Variants in PODXL observed in about 807,000 individuals in gnomAD.
The protein encoded by PODXL is podocalyxin.
PODXL carries 20 observed loss-of-function variants against 48.9 expected under a neutral mutation model. The observed-to-expected ratio is 0.41, with a 90% CI of 0.29 to 0.59. The LOEUF (loss-of-function observed/expected upper bound fraction) is 0.59. Ranked by LOEUF, PODXL falls within the 20% of genes least tolerant of loss-of-function variation. PODXL has a pLI of 0.31. For missense variants in PODXL, 606 were observed against 675.1 expected (o/e 0.90, Z 1.13); for synonymous variants, 295 against 287.4 (o/e 1.03, Z -0.27).
At chr7:131,506,233 T>C (rs1797799530) in intron 7 of PODXL, 27 bp downstream of exon 7, 2 of 1,611,824 alleles carry the variant, frequency 1.2e-6, no homozygotes, top group African/African-American at 2.7e-5. Flanking sequence ...GGAGCCACTC[T>C]GTCCCCACAC....
At chr7:131,548,677 C>G (rs1338000646) in intron 1 of PODXL, among the ~76,000 whole-genome samples, 2 of 152,186 alleles carry the variant, frequency 1.3e-5, no homozygotes, top group African/African-American at 4.8e-5. Flanking sequence ...ATCCACTACT[C>G]TTTTTTGTTG....
intron 1 of PODXL, among the ~76,000 whole-genome samples, chr7:131,512,072 G>A (rs886362717): frequency 6.6e-6 from 1 of 152,226 alleles, no homozygotes; most frequent in African/African-American, 2.4e-5. Flanking sequence ...CTGTTCTCAT[G>A]GAAGTTATAT....
At chr7:131,529,930 G>GGCA (rs1798248612) in intron 1 of PODXL, among the ~76,000 whole-genome samples, 2 of 32,206 alleles carry the variant, frequency 6.2e-5, no homozygotes, top group Non-Finnish European at 4.1e-4. Context: ...GCTTGCGCTG[G>GGCA]GCCTCCCTAG....
chr7:131,505,815 T>G (rs1215647305), intron 8 of PODXL, 53 bp downstream of exon 8: 2 of 1,487,838 alleles, frequency 1.3e-6, no homozygotes, highest in Non-Finnish European at 1.8e-6. Context: ...GAGGGGAGGG[T>G]TCCTCTGGTG....
intron 1 of PODXL, among the ~76,000 whole-genome samples, chr7:131,555,676 A>G (rs1798730772): frequency 6.6e-6 from 1 of 152,218 alleles, no homozygotes; most frequent in African/African-American, 2.4e-5. Flanking sequence ...TGGAAGGTCC[A>G]CTTACGACTC....
chr7:131,553,269 A>C (rs910085201), intron 1 of PODXL, among the ~76,000 whole-genome samples: 2 of 152,172 alleles, frequency 1.3e-5, no homozygotes, highest in Non-Finnish European at 2.9e-5. Flanking sequence ...CCCTATGTGA[A>C]AACCCCACCT....
intron 1 of PODXL, among the ~76,000 whole-genome samples, chr7:131,546,898 C>A (rs372930991): frequency 2.0e-5 from 3 of 152,144 alleles, no homozygotes; most frequent in Non-Finnish European, 4.4e-5. Context: ...TCTAAAACTG[C>A]GGTCTCCAAC....
chr7:131,523,690 A>AT, intron 1 of PODXL, among the ~76,000 whole-genome samples: 1 of 147,234 alleles, frequency 6.8e-6, no homozygotes, highest in Admixed American at 6.7e-5. Flanking sequence ...AAAAAAAAAA[A>AT]AAAAAAAAAA....
Position 131,509,363 on chromosome 7 carries a change from A to T in PODXL, c.1023+2T>A. On this transcript the variant is annotated splice_donor_variant, in intron 4 of 8. Transcript: ENST00000378555. LOFTEE classifies it high-confidence loss of function. ...TACTTGCCCCACCCCTGCTGGAGTTACCCAGTTACTCTCATGAGCCACAGT... is the reference window on the plus strand; with the variant it reads ...TACTTGCCCCACCCCTGCTGGAGTTTCCCAGTTACTCTCATGAGCCACAGT... 1 of 1,611,612 alleles carries T rather than the reference A, an allele frequency of 6.2e-7. No individual in the cohort carries two copies. Among genetic ancestry groups the T allele is most frequent in the Non-Finnish European group, 8.5e-7 (1 of 1,177,822 alleles).
chr7:131,539,059 C>T (rs975767094), intron 1 of PODXL, among the ~76,000 whole-genome samples: 3 of 152,224 alleles, frequency 2.0e-5, no homozygotes, highest in African/African-American at 4.8e-5. Flanking sequence ...TGGATGCCTT[C>T]GCTAACCTCG....
At chr7:131,556,206 A>AG in intron 1 of PODXL, 54 bp downstream of exon 1, 2 of 1,398,198 alleles carry the variant, frequency 1.4e-6, no homozygotes, top group East Asian at 3.0e-5. Context: ...TCGGCCGGGC[A>AG]GGGGGCACAT....
intron 1 of PODXL, among the ~76,000 whole-genome samples, chr7:131,516,605 G>A (rs954478326): frequency 6.6e-6 from 1 of 152,032 alleles, no homozygotes; most frequent in Non-Finnish European, 1.5e-5. Context: ...GAACTCAAAT[G>A]ACACTCCCTT....
chr7:131,550,052 C>T (rs566335462), intron 1 of PODXL, among the ~76,000 whole-genome samples: 2 of 152,300 alleles, frequency 1.3e-5, no homozygotes, highest in East Asian at 3.9e-4. Context: ...GGGCAAGGGC[C>T]ACTGATGAAT....
chr7:131,513,809 C>A (rs757667193), intron 1 of PODXL, among the ~76,000 whole-genome samples: 3 of 152,200 alleles, frequency 2.0e-5, no homozygotes, highest in Non-Finnish European at 4.4e-5. Flanking sequence ...CTCCAGCAAT[C>A]CCAGCTACTC....
At chr7:131,533,831 A>T (rs1798322803) in intron 1 of PODXL, among the ~76,000 whole-genome samples, 1 of 152,202 alleles carries the variant, frequency 6.6e-6, no homozygotes, top group African/African-American at 2.4e-5. Flanking sequence ...CTTCCAGTCC[A>T]CACACAAGCT....
intron 6 of PODXL, 92 bp from the exon 7 acceptor site, chr7:131,506,413 C>T (rs2116778787): frequency 6.8e-7 from 1 of 1,477,212 alleles, no homozygotes; most frequent in Non-Finnish European, 9.5e-7. Flanking sequence ...CGCACCGTAT[C>T]TCAGTCTCCT....
chr7:131,547,922 T>C (rs1453110283), intron 1 of PODXL, among the ~76,000 whole-genome samples: 1 of 152,028 alleles, frequency 6.6e-6, no homozygotes, highest in Non-Finnish European at 1.5e-5. Context: ...TGCTCTGAGG[T>C]GAGAGGGAGA....
chr7:131,533,344 C>T (rs1437924734), intron 1 of PODXL, among the ~76,000 whole-genome samples: 2 of 152,174 alleles, frequency 1.3e-5, no homozygotes, highest in African/African-American at 4.8e-5. Flanking sequence ...CTCAGCATCA[C>T]CTCTCCCAGA....
At chr7:131,525,600 C>T (rs1454571485) in intron 1 of PODXL, among the ~76,000 whole-genome samples, 1 of 134,170 alleles carries the variant, frequency 7.5e-6, no homozygotes, top group South Asian at 2.4e-4. Context: ...AACTCCATCT[C>T]AAAAAAAAAA....
Sources: allele counts gnomAD v4.1 joint callset (sites outside exome capture counted in the v4.1 genomes callset), GRCh38; gene constraint gnomAD v4.1.1; transcripts MANE v1.5; gene names NCBI Gene and HGNC (gene_info 2026-07-23, HGNC 2026-07-21).